ZDHHC14: variants seen among roughly 807,000 people sequenced by gnomAD.
The protein encoded by ZDHHC14 is zDHHC palmitoyltransferase 14, also known as palmitoyltransferase ZDHHC14.
A neutral mutation model predicts 47.7 loss-of-function variants in ZDHHC14; 16 were observed. That is an observed-to-expected ratio of 0.34 (90% confidence interval 0.23 to 0.51). ZDHHC14 has a LOEUF of 0.51. Ranked by LOEUF, ZDHHC14 falls within the 20% of genes least tolerant of loss-of-function variation. The probability of loss-of-function intolerance (pLI) is 0.97; values close to 1 mark genes in which losing one functional copy is unlikely to be tolerated. For missense variants in ZDHHC14, 515 were observed against 662.5 expected (o/e 0.78, Z 2.44); for synonymous variants, 293 against 278.9 (o/e 1.05, Z -0.50).
chr6:157,571,437 G>A (rs970611696), intron 2 of ZDHHC14, among the ~76,000 whole-genome samples: 5 of 152,242 alleles, frequency 3.3e-5, no homozygotes, highest in East Asian at 3.9e-4. Flanking sequence ...TTCTTTGAAC[G>A]GAAACTCACG....
At chr6:157,622,322 C>G (rs1434119998) in intron 3 of ZDHHC14, among the ~76,000 whole-genome samples, 1 of 151,868 alleles carries the variant, frequency 6.6e-6, no homozygotes, top group East Asian at 1.9e-4. Flanking sequence ...ACCCGGGAGG[C>G]AGAGGCTGCA....
At chr6:157,601,895 G>A (rs1451644548) in intron 3 of ZDHHC14, among the ~76,000 whole-genome samples, 2 of 152,198 alleles carry the variant, frequency 1.3e-5, no homozygotes, top group East Asian at 3.8e-4. Context: ...TCTGGCTGGG[G>A]AAGGCAGAGA....
chr6:157,587,200 A>G (rs1375711294), intron 2 of ZDHHC14, among the ~76,000 whole-genome samples: 1 of 152,226 alleles, frequency 6.6e-6, no homozygotes, highest in Admixed American at 6.5e-5. Flanking sequence ...GAGTAAATAG[A>G]GGCAATAGAT....
At chr6:157,440,034 T>C (rs2114790819) in intron 1 of ZDHHC14, among the ~76,000 whole-genome samples, 1 of 151,938 alleles carries the variant, frequency 6.6e-6, no homozygotes, top group South Asian at 2.1e-4. Context: ...AGGGAGAGCA[T>C]CAGGAAAAAT....
intron 3 of ZDHHC14, among the ~76,000 whole-genome samples, chr6:157,612,150 T>C (rs1432830790): frequency 6.6e-6 from 1 of 152,196 alleles, no homozygotes; most frequent in Non-Finnish European, 1.5e-5. Flanking sequence ...CCAGGCTCTG[T>C]ACAGTTTGCT....
At chr6:157,661,703 T>A (rs1011659574) in intron 8 of ZDHHC14, among the ~76,000 whole-genome samples, 2 of 152,226 alleles carry the variant, frequency 1.3e-5, no homozygotes, top group African/African-American at 4.8e-5. Flanking sequence ...CTTAAATTCC[T>A]CAACTGTAAA....
At chr6:157,539,427 TAAAC>T (rs1160840305) in intron 1 of ZDHHC14, among the ~76,000 whole-genome samples, 3 of 151,790 alleles carry the variant, frequency 2.0e-5, no homozygotes, top group Non-Finnish European at 2.9e-5. Flanking sequence ...AATAAATAAA[TAAAC>T]AAACAAACAG....
At chr6:157,397,226 C>T (rs1333578769) in intron 1 of ZDHHC14, among the ~76,000 whole-genome samples, 2 of 152,210 alleles carry the variant, frequency 1.3e-5, no homozygotes, top group African/African-American at 2.4e-5. Flanking sequence ...AGTTGTTCTC[C>T]TTACTTCCCA....
chr6:157,600,715 A>G (rs1490829302), intron 3 of ZDHHC14, among the ~76,000 whole-genome samples: 1 of 152,144 alleles, frequency 6.6e-6, no homozygotes, highest in Non-Finnish European at 1.5e-5. Context: ...CAAGACATTC[A>G]TTTGTAGCTA....
At chr6:157,571,842 G>A (rs1214914929) in intron 2 of ZDHHC14, among the ~76,000 whole-genome samples, 2 of 149,984 alleles carry the variant, frequency 1.3e-5, no homozygotes, top group Non-Finnish European at 1.5e-5. Context: ...TGCTTGGGGC[G>A]GGGACTTCAC....
In ZDHHC14 at chr6:157,540,948, G is replaced by A. The variant is rs943112773; in HGVS notation, c.246-1637G>A. ...TATATATATATAATTTCATACCAGG[G>A]TAATTTCATGCCTTCAATGTAGACT... is the stretch of plus-strand genomic sequence containing the variant. On this transcript the variant is annotated intron_variant, in intron 1 of 8. Transcript: ENST00000359775. Among the ~76,000 whole-genome samples, 5 of 131,144 alleles carry A rather than the reference G, an allele frequency of 3.8e-5. No individual in the cohort carries two copies. In the East Asian group the frequency reaches 8.0e-4, roughly 21 times the overall value. 86.0% of individuals were successfully genotyped at this position (131,144 alleles called of 152,430 possible).
rs372024922 is a variant in ZDHHC14, at chr6:157,618,541, C to T, written c.566-9808C>T. ...TTCACCATGTTGGCCAGGGTGGTCT[C>T]GAACTCCTGACCTCAAATGATCCAC... On this transcript the variant is annotated intron_variant, in intron 3 of 8. Transcript: ENST00000359775. 7.2e-5 allele frequency among the ~76,000 whole-genome samples: 11 copies of T among 152,176 alleles called. 1 individual carries two copies. The highest frequency in any genetic ancestry group is 2.7e-4 in the African/African-American group (11 of 41,504).
At chr6:157,396,956 G>A (rs1004947340) in intron 1 of ZDHHC14, among the ~76,000 whole-genome samples, 4 of 152,224 alleles carry the variant, frequency 2.6e-5, no homozygotes, top group African/African-American at 9.7e-5. Context: ...TGGCAATGAA[G>A]TAGAGTTCCA....
At chr6:157,566,134 C>T (rs1322068869) in intron 2 of ZDHHC14, among the ~76,000 whole-genome samples, 1 of 152,102 alleles carries the variant, frequency 6.6e-6, no homozygotes, top group African/African-American at 2.4e-5. Context: ...GGGCTCACTG[C>T]CTGATGCACA....
intron 1 of ZDHHC14, among the ~76,000 whole-genome samples, chr6:157,476,635 A>AC (rs1347510995): frequency 6.6e-6 from 1 of 152,248 alleles, no homozygotes; most frequent in Non-Finnish European, 1.5e-5. Flanking sequence ...TTCTTGATGA[A>AC]CATAGATGCA....
intron 1 of ZDHHC14, among the ~76,000 whole-genome samples, chr6:157,495,935 G>A (rs1168663294): frequency 3.9e-5 from 6 of 151,926 alleles, no homozygotes; most frequent in Admixed American, 3.9e-4. Context: ...GAACTCCTAG[G>A]TTCAAGTGAT....
intron 1 of ZDHHC14, among the ~76,000 whole-genome samples, chr6:157,471,103 A>G (rs956180223): frequency 9.9e-5 from 15 of 152,208 alleles, no homozygotes; most frequent in African/African-American, 3.1e-4. Flanking sequence ...GGTCTCTTCC[A>G]GCCCCTGACA....
intron 1 of ZDHHC14, among the ~76,000 whole-genome samples, chr6:157,523,064 T>A (rs1349418809): frequency 3.3e-5 from 5 of 151,002 alleles, no homozygotes; most frequent in Admixed American, 1.3e-4. Flanking sequence ...GACAGACATC[T>A]AGGGCGGCTG....
rs1778987529 is a variant in ZDHHC14, at chr6:157,677,403, T to G, written c.*4281T>G. 6.6e-6 allele frequency: 1 copy of G among 152,100 alleles called. No homozygotes were observed. The highest frequency in any genetic ancestry group is 6.5e-5 in the Admixed American group (1 of 15,274). The allele number at this position is 152,100 out of a possible 1,614,324, so 9.4% of individuals were successfully genotyped here. A position where few individuals can be genotyped will look rare whatever the true frequency, so the allele number is the denominator to read the frequency against. On this transcript the variant is annotated 3_prime_UTR_variant, in exon 9 of 9. Transcript: ENST00000359775. ...ATAGTTTGTAAATCAGTAAATCCTC[T>G]GTCCATCTGCCCATTGTCCATGGTC...
Sources: gnomAD v4.1 joint callset for allele counts (sites outside exome capture counted in the v4.1 genomes callset) on GRCh38, gnomAD v4.1.1 for gene constraint, MANE v1.5 for transcripts, NCBI Gene and HGNC (gene_info 2026-07-23, HGNC 2026-07-21) for gene names.